Variants in TAF1 observed in about 807,000 individuals in gnomAD.
The protein encoded by TAF1 is TATA-box binding protein associated factor 1.
A neutral mutation model predicts 138.5 loss-of-function variants in TAF1; 2 were observed. That is an observed-to-expected ratio of 0.01 (90% CI 0.01 to 0.05). TAF1 has a LOEUF of 0.05. TAF1 is among the 10% of genes least tolerant of loss of function. The pLI is 1.00. For missense variants in TAF1, 709 were observed against 1,478.0 expected (o/e 0.48, Z 8.53); for synonymous variants, 437 against 503.2 (o/e 0.87, Z 1.76).
At chrX:71,439,625 G>A (rs1472887280) in intron 32 of TAF1, among the ~76,000 whole-genome samples, 1 of 112,091 alleles carries the variant, frequency 8.9e-6, no homozygotes, top group Non-Finnish European at 1.9e-5. Flanking sequence ...TAGACAAAAC[G>A]TGTTTACTTA....
At chrX:71,474,638 A>G (rs1186303731) in intron 13 of TAF1, among the ~76,000 whole-genome samples, 3 of 112,256 alleles carry the variant, frequency 2.7e-5, no homozygotes, top group Admixed American at 9.6e-5. Context: ...TATAAATCCT[A>G]TTCTCACGGA....
In TAF1 at chrX:71,383,066, C is replaced by T; in HGVS notation, c.1849C>T (p.His617Tyr). 4.1e-6 allele frequency: 5 copies of T among 1,211,396 alleles called. No individual in the cohort carries two copies. Among genetic ancestry groups the T allele is most frequent in the Non-Finnish European group, 5.6e-6 (5 of 895,446 alleles). The change falls in exon 12 of 38, where the codon CAT (histidine) becomes TAT (tyrosine). Residue 617 changes from histidine (H) to tyrosine (Y), a missense_variant. Coordinates refer to ENST00000423759, the MANE Select transcript of TAF1 (RefSeq NM_004606.5). Reference protein sequence around the residue: ...HMGPIKLRQFHRPPLKKYSFG... With the variant: ...HMGPIKLRQFYRPPLKKYSFG... ...GGGGCCCATCAAACTCCGGCAGTTC[C>T]ATCGCCCACCTCTGAAAAAGTACTC...
intron 14 of TAF1, 104 bp from the exon 15 acceptor site, chrX:71,387,157 G>A (rs918371501): frequency 3.0e-5 from 25 of 832,433 alleles, no homozygotes; most frequent in Non-Finnish European, 4.0e-5. Flanking sequence ...CTTAGATGGC[G>A]TAATTAAGAT....
At chrX:71,482,776 C>T (rs952153315) in intron 13 of TAF1, among the ~76,000 whole-genome samples, 40 of 111,941 alleles carry the variant, frequency 3.6e-4, no homozygotes, top group African/African-American at 1.3e-3. Flanking sequence ...ATTCACTCTT[C>T]CTTTCACAAA....
chrX:71,528,435 T>G (rs1236377926), intron 13 of TAF1: 1 of 264,424 alleles, frequency 3.8e-6, no homozygotes, highest in Non-Finnish European at 7.2e-6. Context: ...CACCTGTGAG[T>G]CCACAGAAGT....
chrX:71,474,152 GAA>G (rs199602878), intron 13 of TAF1, among the ~76,000 whole-genome samples: 1,137 of 109,833 alleles, frequency 0.01, 10 homozygotes, highest in African/African-American at 0.035. Context: ...AAAAAAGAAA[GAA>G]AGAGAGAGAG....
intron 18 of TAF1, among the ~76,000 whole-genome samples, chrX:71,391,468 G>A (rs1024265306): frequency 3.6e-5 from 4 of 110,280 alleles, no homozygotes; most frequent in Non-Finnish European, 5.7e-5. Context: ...AGGGTTACTT[G>A]AGGCCAAGGG....
intron 13 of TAF1, among the ~76,000 whole-genome samples, chrX:71,526,471 G>T (rs2039999240): frequency 9.0e-6 from 1 of 111,667 alleles, no homozygotes; most frequent in African/African-American, 3.3e-5. Context: ...TATGTGCAAG[G>T]CCACTTAAAA....
chrX:71,383,923 C>A, intron 12 of TAF1, 39 bp from the exon 13 acceptor site: 5 of 1,183,407 alleles, frequency 4.2e-6, no homozygotes, highest in Non-Finnish European at 5.7e-6. Flanking sequence ...TAGTAGTGTC[C>A]TGTCAGGAGC....
intron 4 of TAF1, among the ~76,000 whole-genome samples, chrX:71,376,347 C>G (rs1048679967): frequency 1.8e-5 from 2 of 111,176 alleles, no homozygotes; most frequent in Non-Finnish European, 3.8e-5. Flanking sequence ...TGCTATTGGT[C>G]ACAACATTGG....
intron 22 of TAF1, 46 bp from the exon 23 acceptor site, chrX:71,397,207 G>A (rs977571691): frequency 8.7e-7 from 1 of 1,151,663 alleles, no homozygotes; most frequent in Non-Finnish European, 1.2e-6. Context: ...ATGATCATTT[G>A]GGAGATAAGG....
intron 3 of TAF1, among the ~76,000 whole-genome samples, chrX:71,371,598 C>G (rs1370891855): frequency 8.9e-6 from 1 of 111,923 alleles, no homozygotes; most frequent in Non-Finnish European, 1.9e-5. Flanking sequence ...TTCACAGTAC[C>G]TTTATGTATG....
intron 16 of TAF1, 84 bp from the exon 17 acceptor site, chrX:71,388,654 T>C: frequency 8.6e-7 from 1 of 1,169,434 alleles, no homozygotes. Flanking sequence ...ACAGTTTTGG[T>C]TTGCTGTCCC....
At chrX:71,373,928 CAGAG>C (rs1948738105) in intron 3 of TAF1, among the ~76,000 whole-genome samples, 1 of 110,680 alleles carries the variant, frequency 9.0e-6, no homozygotes, top group African/African-American at 3.3e-5. Context: ...GGGAAACTGA[CAGAG>C]GGAGAAGATT....
At chrX:71,496,012 C>T (rs958144104) in intron 13 of TAF1, among the ~76,000 whole-genome samples, 5 of 112,570 alleles carry the variant, frequency 4.4e-5, no homozygotes, top group Middle Eastern at 4.2e-3. Flanking sequence ...GTATAGATGG[C>T]TCCTTCCTGA....
At chrX:71,425,359 T>C (rs1569333986) in intron 32 of TAF1, among the ~76,000 whole-genome samples, 1 of 111,925 alleles carries the variant, frequency 8.9e-6, no homozygotes, top group East Asian at 2.8e-4. Flanking sequence ...GAACCAGGCA[T>C]GGTGGCTCAT....
At chrX:71,529,532 G>C (rs1047975882) in intron 14 of TAF1, 1 of 226,050 alleles carries the variant, frequency 4.4e-6, no homozygotes, top group Non-Finnish European at 8.2e-6. Flanking sequence ...TTCCATGGGA[G>C]AACTGTCCAG....
intron 32 of TAF1, among the ~76,000 whole-genome samples, chrX:71,452,398 A>G (rs1439167197): frequency 2.7e-5 from 3 of 110,036 alleles, no homozygotes; most frequent in Admixed American, 9.5e-5. Context: ...GCGGCCGGGC[A>G]GAGGTGCTCC....
intron 35 of TAF1, chrX:71,459,213 G>C: frequency 9.0e-7 from 1 of 1,112,814 alleles, no homozygotes; most frequent in Non-Finnish European, 1.2e-6. Context: ...AGGGTATGAT[G>C]ATGAGGAGGA....
Sources: allele counts gnomAD v4.1 joint callset (sites outside exome capture counted in the v4.1 genomes callset), GRCh38; gene constraint gnomAD v4.1.1; transcripts MANE v1.5; gene names NCBI Gene and HGNC (gene_info 2026-07-23, HGNC 2026-07-21).